The following CPED1 variants were observed in gnomAD, a reference collection of about 807,000 sequenced individuals.
CPED1 encodes the protein cadherin like and PC-esterase domain containing 1, also known as cadherin-like and PC-esterase domain-containing protein 1.
Under a neutral mutation model 128.2 loss-of-function variants are expected in CPED1, and 114 were observed. The observed-to-expected ratio is 0.89, with a 90% confidence interval of 0.76 to 1.04. The LOEUF (loss-of-function observed/expected upper bound fraction) is 1.04, where lower values mean the gene tolerates loss of function less well. Ranked by LOEUF, CPED1 falls within the 50% of genes least tolerant of loss-of-function variation. The pLI is 0.00. For synonymous variants in CPED1, 462 were observed against 426.7 expected, an observed-to-expected ratio of 1.08 and a Z score of -1.02; for missense variants, 1,211 against 1,207.1, an observed-to-expected ratio of 1.00 and a Z score of -0.05.
intron 5 of CPED1, among the ~76,000 whole-genome samples, chr7:121,083,018 T>C (rs1319500215): frequency 1.3e-5 from 2 of 152,198 alleles, no homozygotes; most frequent in African/African-American, 4.8e-5. Flanking sequence ...GTCTTTCTCT[T>C]GCTTTGTCTT....
chr7:121,078,282 A>G (rs1008451234), intron 5 of CPED1, among the ~76,000 whole-genome samples: 6 of 152,056 alleles, frequency 3.9e-5, no homozygotes, highest in African/African-American at 1.4e-4. Flanking sequence ...TGACCTTGTG[A>G]TCCACCCTCC....
At chr7:121,203,024 T>G (rs1797434927) in intron 16 of CPED1, among the ~76,000 whole-genome samples, 2 of 152,066 alleles carry the variant, frequency 1.3e-5, no homozygotes, top group Admixed American at 1.3e-4. Context: ...GTTCCTATTT[T>G]AAGACCCACT....
intron 16 of CPED1, among the ~76,000 whole-genome samples, chr7:121,233,878 C>T (rs1025951445): frequency 1.3e-5 from 2 of 152,032 alleles, no homozygotes; most frequent in African/African-American, 4.8e-5. Context: ...CACAGCATCA[C>T]CAATACCCTA....
intron 16 of CPED1, among the ~76,000 whole-genome samples, chr7:121,227,150 C>G (rs1293603019): frequency 6.6e-6 from 1 of 152,052 alleles, no homozygotes; most frequent in Non-Finnish European, 1.5e-5. Context: ...TCCATGCTAG[C>G]AGGAACCCAG....
intron 16 of CPED1, among the ~76,000 whole-genome samples, chr7:121,145,305 A>G (rs1255921124): frequency 6.6e-6 from 1 of 152,076 alleles, no homozygotes; most frequent in East Asian, 1.9e-4. Context: ...TAAAGAATAG[A>G]TTACGTCAGG....
chr7:120,989,577 CT>C lies in CPED1; in HGVS notation c.-41del. The C allele has an allele frequency of 6.2e-7, 1 of 1,601,628 alleles. No homozygotes were observed. The highest frequency in any genetic ancestry group is 8.5e-7 in the Non-Finnish European group (1 of 1,174,470). ...TGCTGACAAAAAATAGCTGCTATGA[CT>C]TTTCCCGCAACGTGGACAGGGGCCA... On this transcript the variant is annotated 5_prime_UTR_variant, in exon 2 of 23. An upstream open reading frame in the 5' UTR gains an earlier in-frame stop. Transcript: ENST00000310396.
intron 16 of CPED1, among the ~76,000 whole-genome samples, chr7:121,200,552 G>A (rs1030623649): frequency 6.6e-6 from 1 of 152,040 alleles, no homozygotes; most frequent in African/African-American, 2.4e-5. Context: ...GGGAATGTGG[G>A]TGTACCTTCA....
chr7:121,271,268 T>C lies in CPED1; in HGVS notation c.2722-16T>C. The C allele has an allele frequency of 6.3e-7, 1 of 1,592,622 alleles. No individual in the cohort carries two copies. The highest frequency in any genetic ancestry group is 8.6e-7 in the Non-Finnish European group (1 of 1,167,704). ...CTCTGGTAATAAAAATTCTCATTCT[T>C]CTGCTTTCCAATCAGAGTGAAGTAC... On this transcript the variant is annotated splice_polypyrimidine_tract_variant and intron_variant, in intron 21 of 22. Coordinates refer to ENST00000310396, the MANE Select transcript of CPED1 (RefSeq NM_024913.5).
chr7:121,022,935 G>T (rs973146801), intron 3 of CPED1, among the ~76,000 whole-genome samples: 2 of 151,648 alleles, frequency 1.3e-5, no homozygotes, highest in Admixed American at 6.6e-5. Flanking sequence ...AGAAAAAAAA[G>T]ACACCATCAA....
chr7:121,197,657 G>A lies in CPED1; in HGVS notation c.2056-39057G>A, dbSNP rs543280349. Among the ~76,000 whole-genome samples the A allele has an allele frequency of 2.0e-3, 297 of 152,104 alleles. 1 individual carries two copies. The highest frequency in any genetic ancestry group is 6.8e-3 in the Middle Eastern group (2 of 294). ...GTTGTGTGTGTGTGTTTGTGCATGC[G>A]CATGTATGTGCTTAATAGAGGTAAC... On this transcript the variant is annotated intron_variant, in intron 16 of 22. Transcript: ENST00000310396.
intron 16 of CPED1, among the ~76,000 whole-genome samples, chr7:121,206,354 C>T (rs1177391417): frequency 6.6e-6 from 1 of 151,964 alleles, no homozygotes; most frequent in East Asian, 1.9e-4. Context: ...ATTCACTTTA[C>T]AGAAGGATAT....
chr7:121,105,860 C>G (rs1177523182), intron 7 of CPED1, among the ~76,000 whole-genome samples: 1 of 152,090 alleles, frequency 6.6e-6, no homozygotes, highest in Non-Finnish European at 1.5e-5. Context: ...AAAGATTTGT[C>G]AAGTCATTTT....
intron 16 of CPED1, among the ~76,000 whole-genome samples, chr7:121,190,229 A>G (rs1797103531): frequency 6.6e-6 from 1 of 151,978 alleles, no homozygotes; most frequent in African/African-American, 2.4e-5. Context: ...CCTTTCAGCT[A>G]TCTGGTACAG....
At chr7:121,201,070 C>G (rs1254395128) in intron 16 of CPED1, among the ~76,000 whole-genome samples, 1 of 152,044 alleles carries the variant, frequency 6.6e-6, no homozygotes, top group African/African-American at 2.4e-5. Context: ...ATAGAGCAAT[C>G]TCTAGGTTTT....
intron 12 of CPED1, among the ~76,000 whole-genome samples, chr7:121,133,370 G>A (rs1474089279): frequency 1.3e-5 from 2 of 152,082 alleles, no homozygotes; most frequent in Non-Finnish European, 2.9e-5. Context: ...GAGTTTAAGG[G>A]TAGAAGACTT....
intron 16 of CPED1, among the ~76,000 whole-genome samples, chr7:121,155,979 T>C (rs1563048663): frequency 6.6e-6 from 1 of 152,086 alleles, no homozygotes; most frequent in Non-Finnish European, 1.5e-5. Flanking sequence ...CTAAAATATG[T>C]AAACAACTCA....
chr7:121,156,606 T>G (rs1408006100), intron 16 of CPED1, among the ~76,000 whole-genome samples: 1 of 152,212 alleles, frequency 6.6e-6, no homozygotes, highest in African/African-American at 2.4e-5. Context: ...ATGTTGCATG[T>G]TCACGTTCAT....
intron 16 of CPED1, among the ~76,000 whole-genome samples, chr7:121,177,813 C>G (rs561754126): frequency 2.6e-5 from 4 of 151,980 alleles, no homozygotes; most frequent in Non-Finnish European, 4.4e-5. Context: ...TCCTTCCATG[C>G]AGGAAGCATC....
At chr7:121,135,453 A>T (rs1401763118) in intron 13 of CPED1, among the ~76,000 whole-genome samples, 1 of 152,044 alleles carries the variant, frequency 6.6e-6, no homozygotes, top group Non-Finnish European at 1.5e-5. Context: ...TTGTCTTTTA[A>T]CAAGCCCTTC....
Sources: allele counts gnomAD v4.1 joint callset (sites outside exome capture counted in the v4.1 genomes callset), GRCh38; gene constraint gnomAD v4.1.1; transcripts MANE v1.5; gene names NCBI Gene and HGNC (gene_info 2026-07-23, HGNC 2026-07-21).